RAPGEF4: variants seen among roughly 807,000 people sequenced by gnomAD.
The protein encoded by RAPGEF4 is RAP guanine-nucleotide-exchange factor (GEF) 4.
RAPGEF4 carries 66 observed loss-of-function variants against 147.9 expected under a neutral mutation model. That is an observed-to-expected ratio of 0.45 (90% CI 0.37 to 0.55). The LOEUF (loss-of-function observed/expected upper bound fraction) is 0.55, where lower values mean the gene tolerates loss of function less well. RAPGEF4 is among the 20% of genes least tolerant of loss of function. The probability of loss-of-function intolerance (pLI) is 0.00; values close to 1 mark genes in which losing one functional copy is unlikely to be tolerated. For synonymous variants in RAPGEF4, 419 were observed against 442.7 expected, an observed-to-expected ratio of 0.95 and a Z score of 0.67; for missense variants, 1,071 against 1,257.3, an observed-to-expected ratio of 0.85 and a Z score of 2.24.
chr2:172,789,546 T>C (rs1226689597), intron 1 of RAPGEF4, among the ~76,000 whole-genome samples: 1 of 152,242 alleles, frequency 6.6e-6, no homozygotes, highest in Non-Finnish European at 1.5e-5. Flanking sequence ...AAGTACAGTG[T>C]TATACAGCAG....
At chr2:173,032,130 T>C (rs115371261) in intron 26 of RAPGEF4, among the ~76,000 whole-genome samples, 1 of 152,178 alleles carries the variant, frequency 6.6e-6, no homozygotes, top group African/African-American at 2.4e-5. Flanking sequence ...GAGAATTACC[T>C]GGAGCACACA....
intron 4 of RAPGEF4, among the ~76,000 whole-genome samples, chr2:172,911,172 G>C (rs1257438881): frequency 1.3e-5 from 2 of 152,170 alleles, no homozygotes; most frequent in Non-Finnish European, 2.9e-5. Flanking sequence ...GGATGTGGAT[G>C]AGGCACCTTG....
At chr2:172,827,793 G>C (rs1236240182) in intron 4 of RAPGEF4, among the ~76,000 whole-genome samples, 1 of 152,202 alleles carries the variant, frequency 6.6e-6, no homozygotes, top group Non-Finnish European at 1.5e-5. Context: ...AAACCCAGTA[G>C]ATGTGGGTGG....
intron 4 of RAPGEF4, among the ~76,000 whole-genome samples, chr2:172,876,482 C>T (rs947454452): frequency 1.3e-5 from 2 of 152,080 alleles, no homozygotes; most frequent in African/African-American, 2.4e-5. Context: ...TTCTCAAAGG[C>T]CTTTTCTGCA....
intron 3 of RAPGEF4, among the ~76,000 whole-genome samples, chr2:172,811,892 C>A (rs944483363): frequency 6.6e-6 from 1 of 152,188 alleles, no homozygotes; most frequent in African/African-American, 2.4e-5. Context: ...CAAGGCCCTG[C>A]CTGTGATTTA....
chr2:172,820,505 C>T (rs1471687402), intron 4 of RAPGEF4, among the ~76,000 whole-genome samples: 1 of 152,172 alleles, frequency 6.6e-6, no homozygotes, highest in Non-Finnish European at 1.5e-5. Flanking sequence ...ATCTGGGAGC[C>T]TCTTGACATG....
chr2:172,851,041 TA>T (rs1296670480), intron 4 of RAPGEF4, among the ~76,000 whole-genome samples: 5 of 152,214 alleles, frequency 3.3e-5, no homozygotes, highest in Non-Finnish European at 7.4e-5. Flanking sequence ...GTTAGGTTGT[TA>T]ATCTGAGATC....
At chr2:172,737,884 T>G (rs1381120496) in intron 1 of RAPGEF4, among the ~76,000 whole-genome samples, 1 of 151,988 alleles carries the variant, frequency 6.6e-6, no homozygotes. Flanking sequence ...CAGGGATAAG[T>G]GGACAAATGG....
chr2:172,851,497 A>G (rs1426978934), intron 4 of RAPGEF4, among the ~76,000 whole-genome samples: 2 of 152,192 alleles, frequency 1.3e-5, no homozygotes, highest in Non-Finnish European at 2.9e-5. Context: ...ATGCACATGT[A>G]TGTTCATCGC....
intron 4 of RAPGEF4, among the ~76,000 whole-genome samples, chr2:172,915,815 G>A (rs139907749): frequency 6.6e-6 from 1 of 151,984 alleles, no homozygotes; most frequent in East Asian, 1.9e-4. Flanking sequence ...AATTATTGAA[G>A]TTGAATGTGG....
At chr2:173,030,060 T>C in intron 25 of RAPGEF4, 104 bp from the exon 26 acceptor site, 2 of 737,726 alleles carry the variant, frequency 2.7e-6, no homozygotes, top group South Asian at 3.3e-5. Context: ...TTCTCATAAA[T>C]GAGCCCTGAC....
At chr2:172,778,068 G>T (rs1432166813) in intron 1 of RAPGEF4, among the ~76,000 whole-genome samples, 1 of 152,164 alleles carries the variant, frequency 6.6e-6, no homozygotes, top group Non-Finnish European at 1.5e-5. Context: ...AGCATCAGAT[G>T]TAGATATTAT....
intron 17 of RAPGEF4, among the ~76,000 whole-genome samples, chr2:173,006,457 C>G (rs1191050827): frequency 6.6e-6 from 1 of 152,046 alleles, no homozygotes; most frequent in Non-Finnish European, 1.5e-5. Flanking sequence ...TAGTATTCAA[C>G]ACAAATTTTG....
chr2:172,784,570 G>A (rs1271017970), intron 1 of RAPGEF4, among the ~76,000 whole-genome samples: 1 of 151,138 alleles, frequency 6.6e-6, no homozygotes, highest in Non-Finnish European at 1.5e-5. Flanking sequence ...GTAAATACTT[G>A]CAGATTGAGT....
intron 4 of RAPGEF4, among the ~76,000 whole-genome samples, chr2:172,880,725 A>G (rs1187065189): frequency 6.6e-6 from 1 of 152,240 alleles, no homozygotes; most frequent in African/African-American, 2.4e-5. Flanking sequence ...CAGTGACTTG[A>G]CAAGTTCTTT....
intron 10 of RAPGEF4, among the ~76,000 whole-genome samples, chr2:172,968,786 G>T (rs769994701): frequency 6.6e-6 from 1 of 152,190 alleles, no homozygotes; most frequent in African/African-American, 2.4e-5. Flanking sequence ...AGGATCATAG[G>T]AGAGCATGGC....
At chr2:172,996,427 A>G in intron 15 of RAPGEF4, 39 bp from the exon 16 acceptor site, 2 of 1,278,278 alleles carry the variant, frequency 1.6e-6, no homozygotes, top group African/African-American at 1.6e-5. Flanking sequence ...TGATTTGCCC[A>G]CTTTTGAAAA....
chr2:172,984,960 T>G (rs1476783884), intron 11 of RAPGEF4, among the ~76,000 whole-genome samples: 1 of 152,202 alleles, frequency 6.6e-6, no homozygotes, highest in East Asian at 1.9e-4. Flanking sequence ...AATTTGGAAT[T>G]TTAACTAAGA....
intron 4 of RAPGEF4, among the ~76,000 whole-genome samples, chr2:172,908,152 A>G (rs901857208): frequency 6.6e-6 from 1 of 152,244 alleles, no homozygotes. Context: ...TGTAGCTAGA[A>G]GTAGCCAGCA....
Sources: gnomAD v4.1 joint callset for allele counts (sites outside exome capture counted in the v4.1 genomes callset) on GRCh38, gnomAD v4.1.1 for gene constraint, MANE v1.5 for transcripts, NCBI Gene and HGNC (gene_info 2026-07-23, HGNC 2026-07-21) for gene names.